The following TRMT11 variants were observed in gnomAD, a reference collection of about 807,000 sequenced individuals.
The protein encoded by TRMT11 is tRNA (guanine(10)-N(2))-methyltransferase TRMT11.
A neutral mutation model predicts 62.8 loss-of-function variants in TRMT11; 53 were observed. The observed-to-expected ratio is 0.84, with a 90% CI of 0.68 to 1.06. The LOEUF is 1.06. TRMT11 is among the 50% of genes least tolerant of loss of function. The probability of loss-of-function intolerance (pLI) is 0.00; values close to 1 mark genes in which losing one functional copy is unlikely to be tolerated. For missense variants in TRMT11, 556 were observed against 553.4 expected, an observed-to-expected ratio of 1.00 and a Z score of -0.05; for synonymous variants, 188 against 190.3, an observed-to-expected ratio of 0.99 and a Z score of 0.10.
rs768057302 is a variant in TRMT11, at chr6:126,012,985, TC to T, written c.1025del (p.Pro342LeufsTer4). 6.2e-7 allele frequency: 1 copy of T among 1,613,156 alleles called. No individual in the cohort carries two copies. Among genetic ancestry groups the T allele is most frequent in the South Asian group, 1.1e-5 (1 of 90,974 alleles). On this transcript the variant is annotated frameshift_variant, in exon 11 of 13. Transcript: ENST00000334379. LOFTEE classifies it high-confidence loss of function. ...CTTTGTGTAGTCCAGAAAGCCATGT[TC>T]CTGTTTCCTTGAGTTATCATCTGAG... is the stretch of plus-strand genomic sequence containing the variant. ...KWEKCPESHV[P>X]VSLSYHLSDM...
chr6:126,003,140 T>G (rs921558193), intron 7 of TRMT11, among the ~76,000 whole-genome samples: 2 of 152,138 alleles, frequency 1.3e-5, no homozygotes, highest in Non-Finnish European at 2.9e-5. Context: ...TATATACCTT[T>G]GTAATGTTGG....
At chr6:126,245,750 G>A in the TRMT11 span, among the ~76,000 whole-genome samples, 1 of 152,140 alleles carries the variant, frequency 6.6e-6, no homozygotes. Context: ...TAGAGTTTTA[G>A]TCTCCAGTTT....
intron 1 of TRMT11, among the ~76,000 whole-genome samples, chr6:126,185,400 G>A (rs1396486644): frequency 3.3e-5 from 5 of 152,088 alleles, no homozygotes; most frequent in Non-Finnish European, 5.9e-5. Context: ...TAGGAGCCAG[G>A]CTTCTTTTGC....
chr6:126,068,786 T>C (rs1776761640), intron 17 of TRMT11, among the ~76,000 whole-genome samples: 1 of 152,254 alleles, frequency 6.6e-6, no homozygotes, highest in Non-Finnish European at 1.5e-5. Context: ...AAAATATGTT[T>C]GAATTTTGAC....
chr6:126,131,740 A>C (rs1777785880), intron 21 of TRMT11, among the ~76,000 whole-genome samples: 1 of 152,064 alleles, frequency 6.6e-6, no homozygotes, highest in Non-Finnish European at 1.5e-5. Flanking sequence ...TTTTTCTAGC[A>C]AATTAATTCA....
At chr6:126,144,050 T>G (rs1421457434) in intron 21 of TRMT11, among the ~76,000 whole-genome samples, 6 of 152,210 alleles carry the variant, frequency 3.9e-5, no homozygotes, top group Non-Finnish European at 5.9e-5. Flanking sequence ...GATTTCTGTT[T>G]TGATCTTGTT....
intron 21 of TRMT11, among the ~76,000 whole-genome samples, chr6:126,155,223 G>C (rs1045234944): frequency 6.6e-6 from 1 of 152,162 alleles, no homozygotes; most frequent in African/African-American, 2.4e-5. Flanking sequence ...GCAAGAGCGG[G>C]AGTAAGACTG....
intron 21 of TRMT11, among the ~76,000 whole-genome samples, chr6:126,146,199 A>C (rs1444708028): frequency 6.6e-6 from 1 of 152,196 alleles, no homozygotes; most frequent in Non-Finnish European, 1.5e-5. Flanking sequence ...AAAATAAGGA[A>C]GCAGTAGAAC....
intron 12 of TRMT11, among the ~76,000 whole-genome samples, chr6:126,030,784 A>G (rs1387487815): frequency 6.6e-6 from 1 of 152,208 alleles, no homozygotes. Context: ...AATAGAAGCC[A>G]TTTGGTTTTC....
At chr6:126,256,993 C>T in the TRMT11 span, among the ~76,000 whole-genome samples, 5 of 152,018 alleles carry the variant, frequency 3.3e-5, no homozygotes, top group East Asian at 1.9e-4. Flanking sequence ...TCTAGTGATT[C>T]GTCTTCCCCA....
chr6:126,189,184 G>C (rs1195495755), intron 1 of TRMT11, among the ~76,000 whole-genome samples: 4 of 152,078 alleles, frequency 2.6e-5, no homozygotes, highest in Non-Finnish European at 5.9e-5. Context: ...GTACTTCAAT[G>C]ACTTAAATGC....
At chr6:125,990,186 G>T (rs1191784408) in intron 1 of TRMT11, among the ~76,000 whole-genome samples, 3 of 152,092 alleles carry the variant, frequency 2.0e-5, no homozygotes, top group Admixed American at 6.5e-5. Context: ...GTTTCATATA[G>T]TGGGCTATTT....
At chr6:126,271,363 C>CAAAAAAAAAAAAAAAA in the TRMT11 span, among the ~76,000 whole-genome samples, 4 of 36,274 alleles carry the variant, frequency 1.1e-4, no homozygotes, top group African/African-American at 3.1e-4. Context: ...GACTCCATCT[C>CAAAAAAAAAAAAAAAA]AAAAAAAAAA....
chr6:126,188,661 G>C (rs1474045842), intron 1 of TRMT11, among the ~76,000 whole-genome samples: 2 of 152,038 alleles, frequency 1.3e-5, no homozygotes. Flanking sequence ...GTTCATAATG[G>C]GTGAAACAAA....
intron 1 of TRMT11, among the ~76,000 whole-genome samples, chr6:126,191,248 A>T (rs1195227779): frequency 6.6e-6 from 1 of 152,094 alleles, no homozygotes; most frequent in East Asian, 1.9e-4. Flanking sequence ...TCTTTTGAGA[A>T]ATGTCTATTC....
chr6:126,257,904 A>C, the TRMT11 span: 1 of 1,484,808 alleles, frequency 6.7e-7, no homozygotes, highest in African/African-American at 1.4e-5. Flanking sequence ...GCCACCATTC[A>C]CCTGGGTCAA....
chr6:126,207,114 T>C (rs935238418), downstream of TRMT11, among the ~76,000 whole-genome samples: 3 of 152,228 alleles, frequency 2.0e-5, no homozygotes, highest in Admixed American at 2.0e-4. Context: ...TGAATGATTC[T>C]GGTAGGGCTT....
chr6:126,160,283 G>T (rs552670068), intron 21 of TRMT11, among the ~76,000 whole-genome samples: 3 of 152,206 alleles, frequency 2.0e-5, no homozygotes, highest in Non-Finnish European at 4.4e-5. Context: ...TATTACTGAA[G>T]CCCACTGGAC....
the TRMT11 span, among the ~76,000 whole-genome samples, chr6:126,258,974 C>T: frequency 2.0e-5 from 3 of 152,112 alleles, no homozygotes; most frequent in Non-Finnish European, 4.4e-5. Flanking sequence ...CTGCCTCCTC[C>T]CACCCTCCAC....
Sources: gnomAD v4.1 joint callset for allele counts (sites outside exome capture counted in the v4.1 genomes callset) on GRCh38, gnomAD v4.1.1 for gene constraint, MANE v1.5 for transcripts, NCBI Gene and HGNC (gene_info 2026-07-23, HGNC 2026-07-21) for gene names.